Variants in STK3 observed in about 807,000 individuals in gnomAD.
STK3 encodes serine/threonine-protein kinase 3.
In STK3, 41 loss-of-function variants were observed where a neutral mutation model predicts 58.0. The ratio of observed to expected loss-of-function variants is 0.71; its 90% CI spans 0.55 to 0.92. STK3 has a LOEUF of 0.92. Ranked by LOEUF, STK3 falls within the 40% of genes least tolerant of loss-of-function variation. The pLI is 0.00. For synonymous variants in STK3, 170 were observed against 191.0 expected, an observed-to-expected ratio of 0.89 and a Z score of 0.91; for missense variants, 479 against 602.7, an observed-to-expected ratio of 0.79 and a Z score of 2.15.
intron 1 of STK3, among the ~76,000 whole-genome samples, chr8:98,923,864 C>G (rs768761887): frequency 5.3e-4 from 66 of 123,988 alleles, no homozygotes; most frequent in African/African-American, 1.7e-3. Context: ...TGCGCGCGCG[C>G]GCGCGCGCGC....
intron 6 of STK3, among the ~76,000 whole-genome samples, chr8:98,656,019 TA>T (rs1433829578): frequency 1.4e-5 from 2 of 146,792 alleles, no homozygotes; most frequent in Non-Finnish European, 3.0e-5. Flanking sequence ...CATGTTGCTA[TA>T]AAGACACATG....
chr8:98,736,287 A>T (rs4279561), intron 4 of STK3, among the ~76,000 whole-genome samples: 45,796 of 152,046 alleles, frequency 0.3, 7,247 homozygotes, highest in Admixed American at 0.42. Context: ...GGATGCAAAT[A>T]CACTAGGCAA....
chr8:98,712,991 C>T (rs201734324), intron 4 of STK3, among the ~76,000 whole-genome samples: 12 of 152,224 alleles, frequency 7.9e-5, no homozygotes, highest in African/African-American at 2.2e-4. Context: ...CACTCAAAAC[C>T]GCTCAACTAC....
At chr8:98,937,132 C>CA (rs1389872541) in intron 1 of STK3, among the ~76,000 whole-genome samples, 3 of 152,142 alleles carry the variant, frequency 2.0e-5, no homozygotes, top group Admixed American at 2.0e-4. Flanking sequence ...CAAATTCTCC[C>CA]AAAAAACTAT....
chr8:98,392,089 T>C (rs1817853664), upstream of STK3, among the ~76,000 whole-genome samples: 1 of 152,220 alleles, frequency 6.6e-6, no homozygotes, highest in Non-Finnish European at 1.5e-5. Flanking sequence ...AATGTTATAC[T>C]CAATAAAAGA....
intron 6 of STK3, among the ~76,000 whole-genome samples, chr8:98,664,808 G>A (rs949587505): frequency 6.6e-6 from 1 of 151,992 alleles, no homozygotes; most frequent in Non-Finnish European, 1.5e-5. Flanking sequence ...GCTGAGGCAG[G>A]AGAATTGCTT....
In STK3 at chr8:98,465,069, T is replaced by G. The variant is rs932163736; in HGVS notation, c.1318-9069A>C. On this transcript the variant is annotated intron_variant, in intron 10 of 10. Coordinates refer to ENST00000419617, the MANE Select transcript of STK3 (RefSeq NM_006281.4). ...GAATACGGTTTCTCATGAATATCAA[T>G]GAAGGAGTAGGAGAAAGTGCCAATT... is the stretch of plus-strand genomic sequence containing the variant. Among the ~76,000 whole-genome samples the G allele has an allele frequency of 4.6e-5, 7 of 152,300 alleles. No individual in the cohort carries two copies. In the South Asian group the frequency reaches 1.5e-3, roughly 32 times the overall value.
At chr8:98,656,243 C>A (rs905415465) in intron 6 of STK3, among the ~76,000 whole-genome samples, 9 of 151,910 alleles carry the variant, frequency 5.9e-5, no homozygotes, top group Admixed American at 5.2e-4. Flanking sequence ...GGACAAAAAA[C>A]CAAACACTGC....
chr8:98,566,855 G>A (rs1428907725), intron 8 of STK3, among the ~76,000 whole-genome samples: 1 of 152,132 alleles, frequency 6.6e-6, no homozygotes, highest in Non-Finnish European at 1.5e-5. Context: ...AAATTTCACT[G>A]AAAACAACTG....
At chr8:98,526,182 C>T (rs1488174660) in intron 10 of STK3, among the ~76,000 whole-genome samples, 1 of 151,670 alleles carries the variant, frequency 6.6e-6, no homozygotes, top group Non-Finnish European at 1.5e-5. Flanking sequence ...TAAGAAGAAC[C>T]AGGGTAGAAG....
intron 4 of STK3, among the ~76,000 whole-genome samples, chr8:98,708,111 C>T (rs1282302209): frequency 6.6e-6 from 1 of 151,502 alleles, no homozygotes; most frequent in Non-Finnish European, 1.5e-5. Flanking sequence ...TGCATGCCAG[C>T]CTGGGCGACA....
intron 4 of STK3, among the ~76,000 whole-genome samples, chr8:98,737,197 T>C (rs1162680988): frequency 6.6e-6 from 1 of 152,142 alleles, no homozygotes; most frequent in East Asian, 1.9e-4. Flanking sequence ...CATCCACAGA[T>C]CATACATGAA....
intron 10 of STK3, among the ~76,000 whole-genome samples, chr8:98,469,466 C>A (rs1233898964): frequency 1.3e-5 from 2 of 152,206 alleles, no homozygotes; most frequent in African/African-American, 4.8e-5. Context: ...TTGGTTTTAT[C>A]CTCCCTTGAG....
In STK3 at chr8:98,456,918, C is replaced by T. The variant is rs180692019; in HGVS notation, c.1318-918G>A. ...TATCGTGACTTCTGCTTCCAAAAAC[C>T]AAATTCACTCTTAGCTGAAAAAGAC... On this transcript the variant is annotated intron_variant, in intron 10 of 10. Transcript: ENST00000419617. Among the ~76,000 whole-genome samples, 244 of 152,274 alleles carry T rather than the reference C, an allele frequency of 1.6e-3. 1 individual carries two copies. The highest frequency in any genetic ancestry group is 2.1e-3 in the Non-Finnish European group (144 of 68,024).
intron 1 of STK3, among the ~76,000 whole-genome samples, chr8:98,936,074 C>T (rs1840183861): frequency 6.6e-6 from 1 of 152,172 alleles, no homozygotes; most frequent in East Asian, 1.9e-4. Flanking sequence ...CGCCACCACA[C>T]CAGCTAATTT....
At chr8:98,847,584 G>C (rs1449396877) in intron 3 of STK3, among the ~76,000 whole-genome samples, 1 of 152,034 alleles carries the variant, frequency 6.6e-6, no homozygotes, top group African/African-American at 2.4e-5. Flanking sequence ...ACATCCCAGT[G>C]GTTGTCTTTA....
intron 10 of STK3, among the ~76,000 whole-genome samples, chr8:98,469,552 A>C (rs1820761581): frequency 6.6e-6 from 1 of 152,206 alleles, no homozygotes; most frequent in Non-Finnish European, 1.5e-5. Flanking sequence ...AGGTTGGGGG[A>C]CAGCACAAAG....
chr8:98,660,694 G>A (rs1227912044), intron 6 of STK3, among the ~76,000 whole-genome samples: 4 of 152,018 alleles, frequency 2.6e-5, no homozygotes, highest in Non-Finnish European at 5.9e-5. Context: ...CAATGTTGTA[G>A]GATTCCAAGC....
In STK3 at chr8:98,643,571, A is replaced by G. The variant is rs1417896139; in HGVS notation, c.685-47402T>C. Reference sequence around the variant, plus strand: ...TACTCCCTAATCACCATCCAATGATATATTTTATGTATGTGTTATATTTAT... The same window carrying G: ...TACTCCCTAATCACCATCCAATGATGTATTTTATGTATGTGTTATATTTAT... On this transcript the variant is annotated intron_variant, in intron 6 of 10. Transcript: ENST00000419617. 2.6e-5 allele frequency among the ~76,000 whole-genome samples: 4 copies of G among 152,232 alleles called. No individual in the cohort carries two copies. In the East Asian group the frequency reaches 7.7e-4, roughly 29 times the overall value.
Sources: gnomAD v4.1 joint callset for allele counts (sites outside exome capture counted in the v4.1 genomes callset) on GRCh38, gnomAD v4.1.1 for gene constraint, MANE v1.5 for transcripts, NCBI Gene and HGNC (gene_info 2026-07-23, HGNC 2026-07-21) for gene names.